The following SEMA4C variants were observed in gnomAD, a reference collection of about 807,000 sequenced individuals.
The protein encoded by SEMA4C is semaphorin-4C.
A neutral mutation model predicts 89.0 loss-of-function variants in SEMA4C; 19 were observed. That is an observed-to-expected ratio of 0.21 (90% CI 0.15 to 0.31). The LOEUF (loss-of-function observed/expected upper bound fraction) is 0.31. SEMA4C is among the 10% of genes least tolerant of loss of function. The pLI is 1.00. For synonymous variants in SEMA4C, 428 were observed against 472.7 expected (o/e 0.91, Z 1.23); for missense variants, 811 against 1,107.0 (o/e 0.73, Z 3.79).
Position 96,864,608 on chromosome 2 carries a change from G to T in SEMA4C, c.962+97C>A. On this transcript the variant is annotated intron_variant, in intron 9 of 14. Coordinates refer to ENST00000305476, the MANE Select transcript of SEMA4C (RefSeq NM_017789.5). This position sits in a 1 kb window ranked among gnomAD's most constrained non-coding sequence, Gnocchi z 6.3. ...TGGCTTCTGGACACCTGGCTTCCGGGACTGCCTCTGAGGCCTGGTCCAGGC... is the reference window on the plus strand; with the variant it reads ...TGGCTTCTGGACACCTGGCTTCCGGTACTGCCTCTGAGGCCTGGTCCAGGC... 1 of 1,454,364 alleles carries T rather than the reference G, an allele frequency of 6.9e-7. No individual in the cohort carries two copies. The highest frequency in any genetic ancestry group is 1.3e-5 in the South Asian group (1 of 74,778). The allele number at this position is 1,454,364 out of a possible 1,614,324, so 90.1% of individuals were successfully genotyped here. A position where few individuals can be genotyped will look rare whatever the true frequency, so the allele number is the denominator to read the frequency against.
At position 96,861,737 on chromosome 2, in the gene SEMA4C, C is replaced by A. The variant is rs1353337019; in HGVS notation, c.1601G>T (p.Gly534Val). The stretch of plus-strand genomic sequence containing the variant: ...CTGGCCTATGTAGAGCCCAACTCAC[C>A]CAGAGTGGCCACCCACGGCCACACA... Reference protein sequence around the residue: ...SRCVAVGGHSGSLLIQHVMTS... With the variant: ...SRCVAVGGHSVSLLIQHVMTS... Residue 534 changes from glycine to valine, a missense_variant and splice_region_variant, in exon 13 of 15, where the codon GGA becomes GTA. Physicochemically the swap from Gly to Val is moderately radical, Grantham distance 109 (BLOSUM62 -3). Transcript: ENST00000305476. The surrounding 1 kb of genome is among the most constrained non-coding windows in gnomAD (Gnocchi z 7.8). 4.3e-6 allele frequency: 7 copies of A among 1,613,456 alleles called. No individual in the cohort carries two copies. Among genetic ancestry groups the A allele is most frequent in the Non-Finnish European group, 5.9e-6 (7 of 1,179,902 alleles).
intron 1 of SEMA4C, chr2:96,869,097 CT>C: frequency 1.0e-6 from 1 of 985,390 alleles, no homozygotes; most frequent in Non-Finnish European, 1.2e-6. Flanking sequence ...CGGACGCCCC[CT>C]GTCGGCCCAG....
intron 2 of SEMA4C, among the ~76,000 whole-genome samples, chr2:96,867,343 GCCCCGGCAACCATGCGAGCA>G (rs1354129452): frequency 2.6e-5 from 4 of 152,300 alleles, no homozygotes; most frequent in Admixed American, 2.6e-4. Context: ...TCCCCGCTGT[GCCCCGGCAACCATGCGAGCA>G]TGTGCACATA....
Position 96,864,121 on chromosome 2 carries a change from C to T in SEMA4C, c.1135G>A (p.Gly379Ser), listed in dbSNP as rs758796548. The change falls in exon 11 of 15, where the codon GGC becomes AGC. Residue 379 changes from glycine (G) to serine (S), a missense_variant. Transcript: ENST00000305476. The surrounding 1 kb of genome is among the most constrained non-coding windows in gnomAD (Gnocchi z 6.3). ...GGTAGCTCCAGGGAGCTGGTGTAGCCGTGGCGCCGATGCCAGTTGTTAATG... is the reference window on the plus strand; with the variant it reads ...GGTAGCTCCAGGGAGCTGGTGTAGCTGTGGCGCCGATGCCAGTTGTTAATG... ...SCINNWHRRH[G>S]YTSSLELPDN... 8.1e-6 allele frequency: 13 copies of T among 1,611,898 alleles called. 1 individual carries two copies. Among genetic ancestry groups the T allele is most frequent in the East Asian group, 4.5e-5 (2 of 44,812 alleles).
intron 6 of SEMA4C, 31 bp from the exon 7 acceptor site, chr2:96,865,351 CAT>C (rs1490855065): frequency 2.5e-6 from 4 of 1,612,890 alleles, no homozygotes; most frequent in Non-Finnish European, 3.4e-6. Flanking sequence ...CTAGGCCACA[CAT>C]GAGGTATGGA....
Position 96,860,366 on chromosome 2 carries a change from G to C in SEMA4C, c.*260C>G, listed in dbSNP as rs1176179500. 5 of 505,958 alleles carry C rather than the reference G, an allele frequency of 9.9e-6. No individual in the cohort carries two copies. Among genetic ancestry groups the C allele is most frequent in the Non-Finnish European group, 1.7e-5 (5 of 287,416 alleles). 31.3% of individuals were successfully genotyped at this position (505,958 alleles called of 1,614,324 possible). ...CATCTTGAAACTTCTGCCTTGAAAA[G>C]TTTTGGCGGCTGGGGTCCCGCGTGT... On this transcript the variant is annotated 3_prime_UTR_variant, in exon 15 of 15. Coordinates refer to ENST00000305476, the MANE Select transcript of SEMA4C (RefSeq NM_017789.5).
At position 96,861,125 on chromosome 2, in the gene SEMA4C, G is replaced by A. The variant is rs779694871; in HGVS notation, c.2003C>T (p.Ala668Val). 9.3e-6 allele frequency: 15 copies of A among 1,610,608 alleles called. No homozygotes were observed. The highest frequency in any genetic ancestry group is 1.3e-5 in the Non-Finnish European group (15 of 1,179,578). Residue 668 changes from alanine to valine, a missense_variant, in exon 15 of 15, where the codon GCG becomes GTG. By Grantham distance (64) the Ala-to-Val change is moderately conservative. Transcript: ENST00000305476. This position sits in a 1 kb window ranked among gnomAD's most constrained non-coding sequence, Gnocchi z 7.8. ...PLENLGLVWL[A>V]VVALGAVCLV... ...GCACACAGCCCCCAGGGCCACCACC[G>A]CCAGCCACACCAGCCCCAGGTTTTC...
At chr2:96,862,421 A>G (rs2079968017) in intron 12 of SEMA4C, 1 of 156,558 alleles carries the variant, frequency 6.4e-6, no homozygotes, top group African/African-American at 2.4e-5. Context: ...ACATGCCACA[A>G]GAGTATTGCA....
rs1359066629 is a variant in SEMA4C at position 96,860,081 on chromosome 2, C to G, written c.*545G>C. ...GAGCAGGACTAGGCCCACCCCAAGCCCTGCACTCCCTCTGAAGGGGCACAG... is the reference window on the plus strand; with the variant it reads ...GAGCAGGACTAGGCCCACCCCAAGCGCTGCACTCCCTCTGAAGGGGCACAG... On this transcript the variant is annotated 3_prime_UTR_variant, in exon 15 of 15. Transcript: ENST00000305476. 1 of 151,386 alleles carries G rather than the reference C, an allele frequency of 6.6e-6. No individual in the cohort carries two copies. The highest frequency in any genetic ancestry group is 1.5e-5 in the Non-Finnish European group (1 of 68,120). The allele number at this position is 151,386 out of a possible 1,614,324, so 9.4% of individuals were successfully genotyped here. A position where few individuals can be genotyped will look rare whatever the true frequency, so the allele number is the denominator to read the frequency against.
In SEMA4C at chr2:96,863,935, T is replaced by A; in HGVS notation, c.1321A>T (p.Ile441Phe). 1 of 1,606,404 alleles carries A rather than the reference T, an allele frequency of 6.2e-7. No individual in the cohort carries two copies. The highest frequency in any genetic ancestry group is 8.5e-7 in the Non-Finnish European group (1 of 1,174,514). The change falls in exon 11 of 15, where the codon ATT (isoleucine) becomes TTT (phenylalanine). Residue 441 changes from isoleucine to phenylalanine, a missense_variant. Ile to Phe is a conservative substitution (Grantham distance 21). This residue lies in a region of SEMA4C where 441 missense variants were observed against 664.9 expected (regional missense o/e 0.66). Coordinates refer to ENST00000305476, the MANE Select transcript of SEMA4C (RefSeq NM_017789.5). ...LDGATYTVLFIGTGDGWLLKA... is the reference protein window; with the variant it reads ...LDGATYTVLFFGTGDGWLLKA... ...ATACCCATGCACCCACCTGTGCCAA[T>A]GAACAGCACTGTATAGGTGGCTCCA...
In SEMA4C at chr2:96,867,836, C is replaced by G; in HGVS notation, c.51G>C (p.Leu17=). The G allele has an allele frequency of 6.2e-7, 1 of 1,613,736 alleles. No individual in the cohort carries two copies. Among genetic ancestry groups the G allele is most frequent in the Non-Finnish European group, 8.5e-7 (1 of 1,179,976 alleles). Residue 17 remains leucine, a synonymous_variant, in exon 2 of 15, where the codon CTG becomes CTC. Coordinates refer to ENST00000305476, the MANE Select transcript of SEMA4C (RefSeq NM_017789.5). ...TCCACCACACCTCAGCCCCAATGCCCAGGCCCCACAGCCTTGCTGCCAGCA... is the reference window on the plus strand; with the variant it reads ...TCCACCACACCTCAGCCCCAATGCCGAGGCCCCACAGCCTTGCTGCCAGCA... ...VWLLAARLWG[L]GIGAEVWWNL... is the part of the protein sequence containing the mutation.
chr2:96,861,129 G>C lies in SEMA4C; in HGVS notation c.1999C>G (p.Leu667Val). 1 of 1,611,514 alleles carries C rather than the reference G, an allele frequency of 6.2e-7. No individual in the cohort carries two copies. Among genetic ancestry groups the C allele is most frequent in the Non-Finnish European group, 8.5e-7 (1 of 1,179,678 alleles). Residue 667 changes from leucine to valine, a missense_variant, in exon 15 of 15, where the codon CTG becomes GTG. Around this residue, in one of 4 missense-constraint regions of SEMA4C, gnomAD observed 248 missense variants for 269.0 expected, o/e 0.92. Transcript: ENST00000305476. This position sits in a 1 kb window ranked among gnomAD's most constrained non-coding sequence, Gnocchi z 7.8. ...ACAGCCCCCAGGGCCACCACCGCCA[G>C]CCACACCAGCCCCAGGTTTTCCAGG... Reference protein sequence around the residue: ...APLENLGLVWLAVVALGAVCL... With the variant: ...APLENLGLVWVAVVALGAVCL...
At chr2:96,867,509 C>T (rs541490382) in intron 2 of SEMA4C, among the ~76,000 whole-genome samples, 2 of 152,274 alleles carry the variant, frequency 1.3e-5, no homozygotes, top group South Asian at 2.1e-4. Context: ...AGGCTCCCAG[C>T]GCCAGTGACA....
chr2:96,860,725 C>T lies in SEMA4C; in HGVS notation c.2403G>A (p.Gly801=). Residue 801 remains glycine, a synonymous_variant, in exon 15 of 15, where the codon GGG becomes GGA. Coordinates refer to ENST00000305476, the MANE Select transcript of SEMA4C (RefSeq NM_017789.5). ...CGAGCTCAGGCAGGGGGTGCCCGAG[C>T]CCTCCCCGGTCCTCCCCTCCTAGTT... ...RLQLGGEDRG[G]LGHPLPELAD... is the part of the protein sequence containing the mutation. The T allele has an allele frequency of 6.2e-7, 1 of 1,613,770 alleles. No homozygotes were observed. Among genetic ancestry groups the T allele is most frequent in the African/African-American group, 1.3e-5 (1 of 75,042 alleles).
chr2:96,863,191 C>T, intron 12 of SEMA4C: 1 of 951,098 alleles, frequency 1.1e-6, no homozygotes. Flanking sequence ...GCCTGGGTGA[C>T]AGAGTGAGAC....
At position 96,866,601 on chromosome 2, in the gene SEMA4C, G is replaced by T. The variant is rs752465533; in HGVS notation, c.110-170C>A. ...GCCTTTGGCCCTGACAGCCCCACCT[G>T]GGCCTCCCTAGCCTTTCCCAGCCTG... On this transcript the variant is annotated intron_variant, in intron 2 of 14. Coordinates refer to ENST00000305476, the MANE Select transcript of SEMA4C (RefSeq NM_017789.5). The T allele has an allele frequency of 7.6e-6, 7 of 915,290 alleles. No individual in the cohort carries two copies. In the Admixed American group the frequency reaches 1.4e-4, roughly 18 times the overall value. The allele number at this position is 915,290 out of a possible 1,614,324, so 56.7% of individuals were successfully genotyped here. A position where few individuals can be genotyped will look rare whatever the true frequency, so the allele number is the denominator to read the frequency against.
Position 96,860,976 on chromosome 2 carries a change from G to A in SEMA4C, c.2152C>T (p.Pro718Ser), listed in dbSNP as rs768050355. The change falls in exon 15 of 15, where the codon CCC (proline) becomes TCC (serine). Residue 718 changes from proline (P) to serine (S), a missense_variant. Pro to Ser is a moderately conservative substitution (Grantham distance 74). Transcript: ENST00000305476. ...GGTTCAGGACAGGGCCGGAAGGGGGGACTGGTGGGCTCCTTGGGCAGCTCC... is the reference window on the plus strand; with the variant it reads ...GGTTCAGGACAGGGCCGGAAGGGGGAACTGGTGGGCTCCTTGGGCAGCTCC... ...PLELPKEPTS[P>S]PFRPCPEPDE... The A allele has an allele frequency of 1.2e-6, 2 of 1,612,982 alleles. No individual in the cohort carries two copies. The highest frequency in any genetic ancestry group is 1.7e-6 in the Non-Finnish European group (2 of 1,180,006).
Position 96,861,087 on chromosome 2 carries a change from G to GCAGCAGCAC in SEMA4C, c.2032_2040dup (p.Val678_Leu680dup). ...CGCCGGCGCAATGACAGCACCAGCA[G>GCAGCAGCAC]CAGCAGCACCAGGCACACAGCCCCC... On this transcript the variant is annotated inframe_insertion, in exon 15 of 15. Transcript: ENST00000305476. This position sits in a 1 kb window ranked among gnomAD's most constrained non-coding sequence, Gnocchi z 7.8. 1 of 1,612,634 alleles carries GCAGCAGCAC rather than the reference G, an allele frequency of 6.2e-7. No individual in the cohort carries two copies.
rs2080006907 is a variant in SEMA4C at position 96,863,804 on chromosome 2, G to A, written c.1331-10C>T. On this transcript the variant is annotated splice_polypyrimidine_tract_variant and intron_variant, in intron 11 of 14. Transcript: ENST00000305476. ...AGCAGCCAGCCGTCTCCTGGGGGGT[G>A]CAGAGGAGAAGGTGTAAATGAGAGG... 1.2e-6 allele frequency: 2 copies of A among 1,612,120 alleles called. No homozygotes were observed. Among genetic ancestry groups the A allele is most frequent in the South Asian group, 1.1e-5 (1 of 91,046 alleles).
Sources: gnomAD v4.1 joint callset for allele counts (sites outside exome capture counted in the v4.1 genomes callset) on GRCh38, gnomAD v4.1.1 for gene constraint, gnomAD v4.1.1 regional missense constraint, Gnocchi (gnomAD v3.1) non-coding constraint, MANE v1.5 for transcripts, NCBI Gene and HGNC (gene_info 2026-07-23, HGNC 2026-07-21) for gene names.